MAP2K5: variants seen among roughly 807,000 people sequenced by gnomAD.
MAP2K5 encodes dual specificity mitogen-activated protein kinase kinase 5.
MAP2K5 carries 49 observed loss-of-function variants against 83.1 expected under a neutral mutation model. That is an observed-to-expected ratio of 0.59 (90% CI 0.47 to 0.75). The LOEUF is 0.75. Ranked by LOEUF, MAP2K5 falls within the 30% of genes least tolerant of loss-of-function variation. MAP2K5 has a pLI of 0.00. For missense variants in MAP2K5, 457 were observed against 557.5 expected (o/e 0.82, Z 1.82); for synonymous variants, 202 against 191.8 (o/e 1.05, Z -0.44).
At chr15:67,557,961 A>G (rs917939736) in intron 2 of MAP2K5, among the ~76,000 whole-genome samples, 7 of 152,250 alleles carry the variant, frequency 4.6e-5, no homozygotes, top group African/African-American at 1.7e-4. Context: ...ATTATTTAAC[A>G]TGTAAGAGTT....
chr15:67,641,479 C>T (rs1387594972), intron 9 of MAP2K5: 1 of 1,000,556 alleles, frequency 1.0e-6, no homozygotes, highest in Non-Finnish European at 1.2e-6. Flanking sequence ...TAAACGAAGT[C>T]ATCCATGACA....
At chr15:67,713,629 G>A (rs1390673749) in intron 16 of MAP2K5, among the ~76,000 whole-genome samples, 1 of 152,116 alleles carries the variant, frequency 6.6e-6, no homozygotes, top group African/African-American at 2.4e-5. Context: ...CCAGTTACTT[G>A]GGAGGCTGAG....
chr15:67,658,973 A>G (rs2141141905), intron 12 of MAP2K5: 1 of 361,776 alleles, frequency 2.8e-6, no homozygotes, highest in East Asian at 7.4e-5. Context: ...AAAAAGTCTG[A>G]GTTGTTAAAG....
Position 67,807,064 on chromosome 15 carries a change from C to A in MAP2K5, c.*314C>A. On this transcript the variant is annotated 3_prime_UTR_variant, in exon 22 of 22. Transcript: ENST00000178640. The surrounding 1 kb of genome is among the most constrained non-coding windows in gnomAD (Gnocchi z 5.1). The stretch of plus-strand genomic sequence containing the variant: ...CCTAATGTTTTTCTCTATAAAGGGT[C>A]AGGCCCGTCAGCATCACTGATGGGA... The A allele has an allele frequency of 1.1e-6, 1 of 897,116 alleles. No homozygotes were observed. The highest frequency in any genetic ancestry group is 1.6e-6 in the Non-Finnish European group (1 of 641,042). The allele number at this position is 897,116 out of a possible 1,614,324, so 55.6% of individuals were successfully genotyped here.
At chr15:67,606,818 G>A (rs903328092) in intron 8 of MAP2K5, among the ~76,000 whole-genome samples, 1 of 152,184 alleles carries the variant, frequency 6.6e-6, no homozygotes, top group African/African-American at 2.4e-5. Context: ...CTAGTTAAAT[G>A]CTATTTAGTA....
rs1567307150 is a variant in MAP2K5, at chr15:67,609,525, G to GATTCTGTAGACCTATTCTATAGGTCTA, written c.545+8776_545+8777insATTCTGTAGACCTATTCTATAGGTCTA. Among the ~76,000 whole-genome samples, 2 of 48,980 alleles carry GATTCTGTAGACCTATTCTATAGGTCTA rather than the reference G, an allele frequency of 4.1e-5. 1 individual carries two copies. The highest frequency in any genetic ancestry group is 1.8e-4 in the African/African-American group (2 of 11,396). The allele number at this position is 48,980 out of a possible 152,430, so 32.1% of individuals were successfully genotyped here. A position where few individuals can be genotyped will look rare whatever the true frequency, so the allele number is the denominator to read the frequency against. The stretch of plus-strand genomic sequence containing the variant: ...TTCTGTAGACCTATTCTATAGGTCT[G>GATTCTGTAGACCTATTCTATAGGTCTA]TAGATTCTGTAGACCTATTCTATAG... On this transcript the variant is annotated intron_variant, in intron 8 of 21. Transcript: ENST00000178640.
Position 67,794,750 on chromosome 15 carries a change from T to TA in MAP2K5, c.1243-11896_1243-11895insA, listed in dbSNP as rs2141337254. Among the ~76,000 whole-genome samples, 1 of 152,304 alleles carries TA rather than the reference T, an allele frequency of 6.6e-6. No individual in the cohort carries two copies. Among genetic ancestry groups the TA allele is most frequent in the East Asian group, 1.9e-4 (1 of 5,188 alleles). ...CAATTTTTTCCTCTGTATTTTTTGTTGATTTGATAGCAGCAAAAATTTTCC... is the reference window on the plus strand; with the variant it reads ...CAATTTTTTCCTCTGTATTTTTTGTTAGATTTGATAGCAGCAAAAATTTTCC... On this transcript the variant is annotated intron_variant, in intron 21 of 21. Coordinates refer to ENST00000178640, the MANE Select transcript of MAP2K5 (RefSeq NM_145160.3). The surrounding 1 kb of genome is among the most constrained non-coding windows in gnomAD (Gnocchi z 4.6).
At chr15:67,603,357 A>G (rs539406047) in intron 8 of MAP2K5, among the ~76,000 whole-genome samples, 51 of 152,332 alleles carry the variant, frequency 3.3e-4, no homozygotes, top group African/African-American at 1.2e-3. Context: ...TTAATTTGCT[A>G]GAATGCTGTG....
intron 17 of MAP2K5, among the ~76,000 whole-genome samples, chr15:67,732,219 G>T (rs1025139418): frequency 1.3e-5 from 2 of 152,172 alleles, no homozygotes; most frequent in Admixed American, 6.5e-5. Flanking sequence ...TCCAAATTCA[G>T]TTGACTTAAA....
chr15:67,686,906 C>T (rs556486177), intron 13 of MAP2K5, among the ~76,000 whole-genome samples: 1 of 151,926 alleles, frequency 6.6e-6, no homozygotes, highest in South Asian at 2.1e-4. Context: ...TTTTTTGAGA[C>T]AGTGGTTAAA....
intron 13 of MAP2K5, among the ~76,000 whole-genome samples, chr15:67,684,788 T>G (rs2087909993): frequency 6.6e-6 from 1 of 152,114 alleles, no homozygotes; most frequent in Non-Finnish European, 1.5e-5. Flanking sequence ...TATTTTTCAA[T>G]TATGAAAAAT....
intron 7 of MAP2K5, among the ~76,000 whole-genome samples, chr15:67,594,832 C>T (rs1157527635): frequency 1.3e-5 from 2 of 152,074 alleles, no homozygotes; most frequent in Admixed American, 1.3e-4. Context: ...CAAAAAAACC[C>T]ACCTTTGGAA....
At position 67,794,909 on chromosome 15, in the gene MAP2K5, A is replaced by G. The variant is rs1375295779; in HGVS notation, c.1243-11737A>G. ...CTTGAAATAAGATGAGACAATAGAT[A>G]TGAAATGCTTTGAAAAGTTAAAACT... On this transcript the variant is annotated intron_variant, in intron 21 of 21. Transcript: ENST00000178640. This position sits in a 1 kb window ranked among gnomAD's most constrained non-coding sequence, Gnocchi z 4.6. 6.6e-6 allele frequency among the ~76,000 whole-genome samples: 1 copy of G among 152,258 alleles called. No individual in the cohort carries two copies. The highest frequency in any genetic ancestry group is 1.5e-5 in the Non-Finnish European group (1 of 68,046).
At chr15:67,740,964 G>A (rs1349668294) in intron 17 of MAP2K5, among the ~76,000 whole-genome samples, 1 of 150,440 alleles carries the variant, frequency 6.6e-6, no homozygotes, top group Non-Finnish European at 1.5e-5. Flanking sequence ...GGAGGTGGAG[G>A]TTGCAGTGAG....
intron 7 of MAP2K5, among the ~76,000 whole-genome samples, chr15:67,596,013 G>A (rs2085519256): frequency 6.6e-6 from 1 of 151,426 alleles, no homozygotes; most frequent in Admixed American, 6.6e-5. Flanking sequence ...TATAGGAGAG[G>A]GTGGCAGTAT....
rs1225541642 is a variant in MAP2K5, at chr15:67,722,112, T to C, written c.1045-5804T>C. 6.6e-6 allele frequency among the ~76,000 whole-genome samples: 1 copy of C among 152,208 alleles called. No individual in the cohort carries two copies. Among genetic ancestry groups the C allele is most frequent in the Non-Finnish European group, 1.5e-5 (1 of 68,034 alleles). ...CTGTTAGGCCTGATGGTGTTAGTAA[T>C]AATCCTCTTCCTCATAGTTCTAGAC... On this transcript the variant is annotated intron_variant, in intron 16 of 21. Transcript: ENST00000178640. This position sits in a 1 kb window ranked among gnomAD's most constrained non-coding sequence, Gnocchi z 4.2.
At chr15:67,788,772 G>A (rs1028628126) in intron 21 of MAP2K5, among the ~76,000 whole-genome samples, 12 of 151,952 alleles carry the variant, frequency 7.9e-5, no homozygotes, top group African/African-American at 2.2e-4. Flanking sequence ...CCAGGAGTTC[G>A]AGACCCGCCT....
At chr15:67,692,614 C>G in intron 14 of MAP2K5, 62 bp downstream of exon 14, 1 of 1,320,922 alleles carries the variant, frequency 7.6e-7, no homozygotes, top group Non-Finnish European at 1.1e-6. Flanking sequence ...TATTTTCATT[C>G]TGTTCTCTGG....
chr15:67,663,840 A>C (rs572750460), intron 12 of MAP2K5, among the ~76,000 whole-genome samples: 7 of 152,260 alleles, frequency 4.6e-5, no homozygotes, highest in African/African-American at 1.4e-4. Flanking sequence ...GCACCACTGC[A>C]CTCCAGCCTG....
Sources: allele counts gnomAD v4.1 joint callset (sites outside exome capture counted in the v4.1 genomes callset), GRCh38; gene constraint gnomAD v4.1.1; non-coding constraint Gnocchi (gnomAD v3.1); transcripts MANE v1.5; gene names NCBI Gene and HGNC (gene_info 2026-07-23, HGNC 2026-07-21).